Variants in CFAP46 observed in about 807,000 individuals in gnomAD.
The protein encoded by CFAP46 is cilia- and flagella-associated protein 46.
In CFAP46, 245 loss-of-function variants were observed where a neutral mutation model predicts 325.7. The ratio of observed to expected loss-of-function variants is 0.75; its 90% CI spans 0.68 to 0.84. The LOEUF (loss-of-function observed/expected upper bound fraction) is 0.84. Among genes scored for constraint, CFAP46 ranks in the 40% least tolerant of loss-of-function variants. The probability of loss-of-function intolerance (pLI) is 0.00; values close to 1 mark genes in which losing one functional copy is unlikely to be tolerated. For synonymous variants in CFAP46, 1,523 were observed against 1,495.9 expected (o/e 1.02, Z -0.42); for missense variants, 3,346 against 3,543.0 (o/e 0.94, Z 1.41).
rs1452573524 is a variant in CFAP46, at chr10:132,814,823, CT to C, written c.7188+20del. 1.2e-6 allele frequency: 2 copies of C among 1,614,018 alleles called. No homozygotes were observed. The highest frequency in any genetic ancestry group is 2.2e-5 in the East Asian group (1 of 44,888). On this transcript the variant is annotated intron_variant, in intron 51 of 57. Transcript: ENST00000368586. ...CCGCTGTGCCCACCAGCCCGATCCC[CT>C]ATCACAGGCCCCCACCCACCTTCCT... is the stretch of plus-strand genomic sequence containing the variant.
rs1459616326 is a variant in CFAP46, at chr10:132,919,792, C to T, written c.1730+267G>A. On this transcript the variant is annotated intron_variant, in intron 14 of 57. Transcript: ENST00000368586. This position sits in a 1 kb window ranked among gnomAD's most constrained non-coding sequence, Gnocchi z 9.7. ...AATCAGCCTGCTCTGGTCACAGGCG[C>T]TGCGTGTCCTCCGAGTGACAGCAGT... 6.6e-6 allele frequency among the ~76,000 whole-genome samples: 1 copy of T among 152,118 alleles called. No homozygotes were observed. Among genetic ancestry groups the T allele is most frequent in the Non-Finnish European group, 1.5e-5 (1 of 68,002 alleles).
At position 132,941,078 on chromosome 10, in the gene CFAP46, A is replaced by G; in HGVS notation, c.307-18T>C. On this transcript the variant is annotated intron_variant, in intron 3 of 57. Coordinates refer to ENST00000368586, the MANE Select transcript of CFAP46 (RefSeq NM_001200049.3). ...AATTCCTCCTAAGGCAACATAAAGA[A>G]GCACAATTAGACCGAAATACTGACC... is the stretch of plus-strand genomic sequence containing the variant. The G allele has an allele frequency of 6.2e-7, 1 of 1,613,888 alleles. No individual in the cohort carries two copies. Among genetic ancestry groups the G allele is most frequent in the Non-Finnish European group, 8.5e-7 (1 of 1,179,816 alleles).
chr10:132,918,973 G>A (rs569398290), intron 15 of CFAP46, among the ~76,000 whole-genome samples: 2 of 152,238 alleles, frequency 1.3e-5, no homozygotes, highest in South Asian at 2.1e-4. Context: ...CCCATGTCCC[G>A]CTCCACGCTG....
intron 31 of CFAP46, among the ~76,000 whole-genome samples, chr10:132,875,402 C>T (rs1441941893): frequency 6.6e-6 from 1 of 152,224 alleles, no homozygotes; most frequent in African/African-American, 2.4e-5. Context: ...CTAAAATACA[C>T]ATGGACATGC....
rs537927692 is a variant in CFAP46 at position 132,918,498 on chromosome 10, G to A, written c.1881C>T (p.Asp627=). The A allele has an allele frequency of 2.0e-5, 30 of 1,526,364 alleles. No individual in the cohort carries two copies. The highest frequency in any genetic ancestry group is 1.8e-4 in the Admixed American group (9 of 49,478). 94.6% of individuals were successfully genotyped at this position (1,526,364 alleles called of 1,614,324 possible). The change falls in exon 16 of 58, where the codon GAC becomes GAT. Residue 627 remains aspartate, a synonymous_variant. Coordinates refer to ENST00000368586, the MANE Select transcript of CFAP46 (RefSeq NM_001200049.3). ...GGCTCCAGGTGTCCTGCACCGAGCC[G>A]TCCCTACCTCGCTTCTTCTTCCCTG... ...LRRGKKKRGR[D]GSVQDTWSQP...
intron 9 of CFAP46, chr10:132,929,074 G>A (rs558967297): frequency 1.8e-4 from 30 of 167,758 alleles, no homozygotes; most frequent in Middle Eastern, 2.9e-3. Context: ...GAGAGGATAC[G>A]TTTCAAGACC....
At position 132,840,708 on chromosome 10, in the gene CFAP46, G is replaced by A. The variant is rs189504172; in HGVS notation, c.6439-3794C>T. On this transcript the variant is annotated intron_variant, in intron 44 of 57. Coordinates refer to ENST00000368586, the MANE Select transcript of CFAP46 (RefSeq NM_001200049.3). The stretch of plus-strand genomic sequence containing the variant: ...TTCTTCTTTGACTAATTTGATCATC[G>A]TAAGTAACTGTTTAATTTCAAGGTG... Among the ~76,000 whole-genome samples, 13 of 152,210 alleles carry A rather than the reference G, an allele frequency of 8.5e-5. No individual in the cohort carries two copies. The East Asian group carries it at 1.2e-3, about 14-fold the overall frequency.
chr10:132,889,044 C>G lies in CFAP46; in HGVS notation c.3305-3085G>C, dbSNP rs376582870. ...TCACGCCCTTTCTCTTTTCAGAAGT[C>G]TGGTGCTTTTCTGTAATTTTAAAGA... On this transcript the variant is annotated intron_variant, in intron 25 of 57. Transcript: ENST00000368586. This position sits in a 1 kb window ranked among gnomAD's most constrained non-coding sequence, Gnocchi z 6.0. 1.2e-3 allele frequency among the ~76,000 whole-genome samples: 190 copies of G among 152,330 alleles called. No individual in the cohort carries two copies. Among genetic ancestry groups the G allele is most frequent in the African/African-American group, 4.4e-3 (181 of 41,566 alleles).
At chr10:132,810,191 G>A (rs547723886) in intron 57 of CFAP46, among the ~76,000 whole-genome samples, 2 of 152,328 alleles carry the variant, frequency 1.3e-5, no homozygotes, top group African/African-American at 2.4e-5. Flanking sequence ...CGAGGGTCGC[G>A]CCACGGTGGG....
Position 132,877,445 on chromosome 10 carries a change from G to T in CFAP46, c.4212+436C>A, listed in dbSNP as rs772462494. 6.6e-6 allele frequency among the ~76,000 whole-genome samples: 1 copy of T among 152,256 alleles called. No homozygotes were observed. The highest frequency in any genetic ancestry group is 2.1e-4 in the South Asian group (1 of 4,824). On this transcript the variant is annotated intron_variant, in intron 30 of 57. Transcript: ENST00000368586. This position sits in a 1 kb window ranked among gnomAD's most constrained non-coding sequence, Gnocchi z 5.7. ...TGCAGAGAGAAAGGTTTCATGAGAT[G>T]AAAAAAACACTTTTCTCACTGCTCT... is the stretch of plus-strand genomic sequence containing the variant.
chr10:132,883,216 G>T (rs550079041), intron 27 of CFAP46, among the ~76,000 whole-genome samples: 6 of 152,084 alleles, frequency 3.9e-5, no homozygotes, highest in Admixed American at 1.3e-4. Context: ...AACGAGAAAG[G>T]GTTTGTAGAT....
chr10:132,868,992 G>T (rs1296844935), intron 33 of CFAP46, among the ~76,000 whole-genome samples: 2 of 152,242 alleles, frequency 1.3e-5, no homozygotes, highest in Non-Finnish European at 2.9e-5. Context: ...GCGCCCAAGG[G>T]TCCAGGGCCC....
In CFAP46 at chr10:132,808,530, C is replaced by A; in HGVS notation, c.8039G>T (p.Ser2680Ile). ...CAPWGLRRGW[S>I]CVSSRGQDKG... ...GTCCTGGCCCCGGGAAGAGACGCAG[C>A]TCCAGCCCCGACGCAGACCCCATGG... The change falls in exon 58 of 58, where the codon AGC becomes ATC. Residue 2680 changes from serine to isoleucine, a missense_variant. By Grantham distance (142) the Ser-to-Ile change is moderately radical. Coordinates refer to ENST00000368586, the MANE Select transcript of CFAP46 (RefSeq NM_001200049.3). The surrounding 1 kb of genome is among the most constrained non-coding windows in gnomAD (Gnocchi z 6.8). 1 of 1,613,106 alleles carries A rather than the reference C, an allele frequency of 6.2e-7. No homozygotes were observed. Among genetic ancestry groups the A allele is most frequent in the Non-Finnish European group, 8.5e-7 (1 of 1,179,998 alleles).
chr10:132,922,045 C>G, intron 13 of CFAP46, 59 bp downstream of exon 13: 1 of 1,519,224 alleles, frequency 6.6e-7, no homozygotes, highest in Admixed American at 2.1e-5. Flanking sequence ...CCCGGGGCAG[C>G]CTGGGAGCCA....
chr10:132,870,505 G>A (rs751579567), intron 32 of CFAP46, among the ~76,000 whole-genome samples: 3 of 152,178 alleles, frequency 2.0e-5, no homozygotes, highest in Non-Finnish European at 4.4e-5. Flanking sequence ...GAAATGAGAA[G>A]CTCCTACAGG....
Position 132,866,098 on chromosome 10 carries a change from GC to G in CFAP46, c.4816del (p.Ala1606GlnfsTer7). 1 of 1,547,160 alleles carries G rather than the reference GC, an allele frequency of 6.5e-7. No homozygotes were observed. Among genetic ancestry groups the G allele is most frequent in the South Asian group, 1.2e-5 (1 of 83,426 alleles). ...CAGGTTCATCTCCAGCAGAACTTCT[GC>G]CTTCAGCATCCACAGGTGGGGAAAG... ...TSFPHLWMLK[A>X]EVLLEMNLYQ... is the part of the protein sequence containing the mutation. On this transcript the variant is annotated frameshift_variant, in exon 35 of 58. Transcript: ENST00000368586. LOFTEE classifies it high-confidence loss of function.
chr10:132,831,342 T>G, intron 50 of CFAP46, among the ~76,000 whole-genome samples: 1 of 152,134 alleles, frequency 6.6e-6, no homozygotes, highest in South Asian at 2.1e-4. Context: ...GAAAGGGATG[T>G]TGACCTCCCC....
At chr10:132,860,549 G>A in intron 36 of CFAP46, 26 bp from the exon 37 acceptor site, 1 of 1,501,210 alleles carries the variant, frequency 6.7e-7, no homozygotes, top group Non-Finnish European at 9.1e-7. Context: ...GGTGGATACG[G>A]GTGTGTCTGA....
In CFAP46 at chr10:132,843,852, C is replaced by T. The variant is rs75901156; in HGVS notation, c.6438+2205G>A. ...GGGGCTGTGGTCTCGGTGGGTGTTC[C>T]CAGGGTGCTGTGGGGCTCTGGTCTC... On this transcript the variant is annotated intron_variant, in intron 44 of 57. Coordinates refer to ENST00000368586, the MANE Select transcript of CFAP46 (RefSeq NM_001200049.3). Among the ~76,000 whole-genome samples the T allele has an allele frequency of 2.0e-5, 2 of 97,646 alleles. 1 individual carries two copies. Among genetic ancestry groups the T allele is most frequent in the Non-Finnish European group, 4.2e-5 (2 of 48,042 alleles). 64.1% of individuals were successfully genotyped at this position (97,646 alleles called of 152,430 possible).
Sources: gnomAD v4.1 joint callset for allele counts (sites outside exome capture counted in the v4.1 genomes callset) on GRCh38, gnomAD v4.1.1 for gene constraint, Gnocchi (gnomAD v3.1) non-coding constraint, MANE v1.5 for transcripts, NCBI Gene and HGNC (gene_info 2026-07-23, HGNC 2026-07-21) for gene names.